RNF220: variants seen among roughly 807,000 people sequenced by gnomAD.
RNF220 encodes E3 ubiquitin-protein ligase RNF220.
A neutral mutation model predicts 67.1 loss-of-function variants in RNF220; 7 were observed. The observed-to-expected ratio is 0.10, with a 90% CI of 0.06 to 0.20. RNF220 has a LOEUF of 0.20. Ranked by LOEUF, RNF220 falls within the 10% of genes least tolerant of loss-of-function variation. RNF220 has a pLI of 1.00. For missense variants in RNF220, 565 were observed against 740.3 expected (o/e 0.76, Z 2.75); for synonymous variants, 270 against 283.2 (o/e 0.95, Z 0.47).
At position 44,622,088 on chromosome 1, in the gene RNF220, T is replaced by C. The variant is rs1429783535; in HGVS notation, c.759-654T>C. 6.6e-6 allele frequency among the ~76,000 whole-genome samples: 1 copy of C among 152,210 alleles called. No individual in the cohort carries two copies. Among genetic ancestry groups the C allele is most frequent in the East Asian group, 1.9e-4 (1 of 5,196 alleles). On this transcript the variant is annotated intron_variant, in intron 3 of 14. Transcript: ENST00000361799. This position sits in a 1 kb window ranked among gnomAD's most constrained non-coding sequence, Gnocchi z 4.3. ...ATACTTTGTGGCTCTGGATCACTCA[T>C]GCTTAGCGCAGGATGTGGCCTTGCA...
intron 1 of RNF220, among the ~76,000 whole-genome samples, chr1:44,409,180 G>A (rs982809707): frequency 6.6e-6 from 1 of 152,002 alleles, no homozygotes; most frequent in East Asian, 1.9e-4. Context: ...CCAGGGTCAG[G>A]AGTGTGATTT....
intron 2 of RNF220, among the ~76,000 whole-genome samples, chr1:44,522,069 A>T (rs527951031): frequency 2.0e-5 from 3 of 152,066 alleles, no homozygotes; most frequent in Admixed American, 2.0e-4. Context: ...ATTAAGAAAA[A>T]TCTTGTCTCT....
chr1:44,450,725 G>A (rs1335935433), intron 2 of RNF220, among the ~76,000 whole-genome samples: 1 of 152,170 alleles, frequency 6.6e-6, no homozygotes, highest in South Asian at 2.1e-4. Flanking sequence ...CCTGTTGGAA[G>A]CCTTGTAATT....
At chr1:44,432,160 G>C (rs932595415) in intron 2 of RNF220, among the ~76,000 whole-genome samples, 1 of 151,892 alleles carries the variant, frequency 6.6e-6, no homozygotes, top group African/African-American at 2.4e-5. Context: ...AAAGCACTTT[G>C]AATTTTTTTT....
chr1:44,490,697 A>G (rs1376682290), intron 2 of RNF220, among the ~76,000 whole-genome samples: 1 of 152,024 alleles, frequency 6.6e-6, no homozygotes, highest in Non-Finnish European at 1.5e-5. Context: ...AAAAAAGAGC[A>G]AACTAAACCC....
chr1:44,650,649 C>T lies in RNF220; in HGVS notation c.1630-55C>T. The T allele has an allele frequency of 1.3e-6, 2 of 1,575,966 alleles. No homozygotes were observed. Among genetic ancestry groups the T allele is most frequent in the Non-Finnish European group, 1.7e-6 (2 of 1,145,960 alleles). On this transcript the variant is annotated intron_variant, in intron 14 of 14. Transcript: ENST00000361799. This position sits in a 1 kb window ranked among gnomAD's most constrained non-coding sequence, Gnocchi z 4.3. ...ACATGGCTGCAGGCCCAGGTGCTCA[C>T]ATGCGCACACATGGCTCATTGTGTA...
At chr1:44,446,140 A>G (rs7553056) in intron 2 of RNF220, among the ~76,000 whole-genome samples, 80,709 of 152,090 alleles carry the variant, frequency 0.53, 22,877 homozygotes, top group Admixed American at 0.64. Flanking sequence ...ACATAAAAAC[A>G]TGAGTATTAA....
intron 2 of RNF220, among the ~76,000 whole-genome samples, chr1:44,485,122 C>T (rs987937209): frequency 6.6e-6 from 1 of 152,132 alleles, no homozygotes; most frequent in African/African-American, 2.4e-5. Context: ...GGCAACAGAT[C>T]GAGACTCCAT....
Position 44,626,182 on chromosome 1 carries a change from C to T in RNF220, c.805-115C>T, listed in dbSNP as rs565798686. The T allele has an allele frequency of 8.7e-5, 62 of 714,120 alleles. 1 individual carries two copies. In the East Asian group the frequency reaches 1.6e-3, roughly 18 times the overall value. The allele number at this position is 714,120 out of a possible 1,614,324, so 44.2% of individuals were successfully genotyped here. On this transcript the variant is annotated intron_variant, in intron 4 of 14. Transcript: ENST00000361799. ...AGAATCTCAAGAGTGGTCTTTCTAT[C>T]CCTCAGCCTCCTTCTCTTTGCCTGG... is the stretch of plus-strand genomic sequence containing the variant.
At chr1:44,589,874 C>G (rs1665991537) in intron 2 of RNF220, among the ~76,000 whole-genome samples, 1 of 152,094 alleles carries the variant, frequency 6.6e-6, no homozygotes, top group South Asian at 2.1e-4. Context: ...TCAAGGTGCT[C>G]GTGGTCTGGG....
chr1:44,637,308 A>T (rs2148487593), intron 8 of RNF220, among the ~76,000 whole-genome samples: 1 of 152,352 alleles, frequency 6.6e-6, no homozygotes, highest in East Asian at 1.9e-4. Flanking sequence ...CAAAACATAA[A>T]TCAGGAAGGT....
chr1:44,518,789 G>A (rs1235099069), intron 2 of RNF220, among the ~76,000 whole-genome samples: 1 of 151,782 alleles, frequency 6.6e-6, no homozygotes, highest in Admixed American at 6.6e-5. Context: ...GCAGGAGAAT[G>A]GCGTGAACCC....
chr1:44,407,585 G>T (rs1445005993), intron 1 of RNF220, among the ~76,000 whole-genome samples: 1 of 152,186 alleles, frequency 6.6e-6, no homozygotes, highest in South Asian at 2.1e-4. Flanking sequence ...GCGTCGCGCC[G>T]CTGGTGGCCG....
Position 44,649,860 on chromosome 1 carries a change from C to T in RNF220, c.1555-23C>T. ...GGGTGGGCCTACCTCAGAGTGACCC[C>T]TTCTCTGCCCCCTCCTCCCTAGGAC... is the stretch of plus-strand genomic sequence containing the variant. On this transcript the variant is annotated intron_variant, in intron 13 of 14. Coordinates refer to ENST00000361799, the MANE Select transcript of RNF220 (RefSeq NM_018150.4). The surrounding 1 kb of genome is among the most constrained non-coding windows in gnomAD (Gnocchi z 5.9). 1 of 1,613,970 alleles carries T rather than the reference C, an allele frequency of 6.2e-7. No individual in the cohort carries two copies.
At chr1:44,550,679 C>T (rs1396065210) in intron 2 of RNF220, among the ~76,000 whole-genome samples, 1 of 152,158 alleles carries the variant, frequency 6.6e-6, no homozygotes. Flanking sequence ...CTTACCTTAT[C>T]CCAGCCTGAG....
intron 2 of RNF220, among the ~76,000 whole-genome samples, chr1:44,463,322 C>CA (rs1653964584): frequency 7.8e-6 from 1 of 128,688 alleles, no homozygotes; most frequent in African/African-American, 3.0e-5. Flanking sequence ...GCAACAAGAG[C>CA]AAAACTCTGT....
rs184991553 is a variant in RNF220 at position 44,458,241 on chromosome 1, A to G, written c.625+45519A>G. On this transcript the variant is annotated intron_variant, in intron 2 of 14. Transcript: ENST00000361799. ...ACCGTACTCCCAGCCTGAGCAGCAG[A>G]GTGAGACACTGTCTCTTAAAAAAAA... Among the ~76,000 whole-genome samples the G allele has an allele frequency of 2.1e-3, 325 of 152,098 alleles. 1 individual carries two copies. The highest frequency in any genetic ancestry group is 7.6e-3 in the African/African-American group (315 of 41,502).
chr1:44,632,400 G>GCCCCCACCCCCCCCCCCC lies in RNF220; in HGVS notation c.949+19_949+20insCACCCCCCCCCCCCCCCC. 1 of 1,607,452 alleles carries GCCCCCACCCCCCCCCCCC rather than the reference G, an allele frequency of 6.2e-7. No homozygotes were observed. The highest frequency in any genetic ancestry group is 8.5e-7 in the Non-Finnish European group (1 of 1,177,492). On this transcript the variant is annotated intron_variant, in intron 6 of 14. Transcript: ENST00000361799. Reference sequence around the variant, plus strand: ...CCGACTGAATGGTGAGTCCTGCCCGGCCCCTCCCTCCGCCCCACCCCCGGC... The same window carrying GCCCCCACCCCCCCCCCCC: ...CCGACTGAATGGTGAGTCCTGCCCGGCCCCCACCCCCCCCCCCCCCCCTCCCTCCGCCCCACCCCCGGC...
intron 2 of RNF220, among the ~76,000 whole-genome samples, chr1:44,462,750 C>A (rs1045907906): frequency 6.6e-6 from 1 of 152,154 alleles, no homozygotes; most frequent in East Asian, 1.9e-4. Flanking sequence ...CAAGAAAGGC[C>A]GGGCACGGTG....
Sources: allele counts gnomAD v4.1 joint callset (sites outside exome capture counted in the v4.1 genomes callset), GRCh38; gene constraint gnomAD v4.1.1; non-coding constraint Gnocchi (gnomAD v3.1); transcripts MANE v1.5; gene names NCBI Gene and HGNC (gene_info 2026-07-23, HGNC 2026-07-21).